The following WWOX variants were observed in gnomAD, a reference collection of about 807,000 sequenced individuals.
WWOX encodes the protein WW domain-containing oxidoreductase.
WWOX carries 69 observed loss-of-function variants against 46.2 expected under a neutral mutation model. That is an observed-to-expected ratio of 1.49 (90% CI 1.23 to 1.82). The LOEUF (loss-of-function observed/expected upper bound fraction) is 1.82. Ranked by LOEUF, WWOX falls within the 40% of genes most tolerant of loss-of-function variation. WWOX has a pLI of 0.00. For missense variants in WWOX, 919 were observed against 542.6 expected, an observed-to-expected ratio of 1.69 and a Z score of -6.89; for synonymous variants, 359 against 202.6, an observed-to-expected ratio of 1.77 and a Z score of -6.56.
intron 6 of WWOX, among the ~76,000 whole-genome samples, chr16:78,392,766 C>G (rs1020722230): frequency 1.5e-4 from 23 of 152,282 alleles, no homozygotes; most frequent in African/African-American, 5.5e-4. Context: ...GTGTAATCGT[C>G]CAAGAGTACA....
chr16:79,013,734 C>G (rs1234633418), intron 8 of WWOX, among the ~76,000 whole-genome samples: 2 of 152,232 alleles, frequency 1.3e-5, no homozygotes, highest in Non-Finnish European at 2.9e-5. Context: ...CTCCCGGAAG[C>G]AAAGCAATTG....
chr16:78,629,860 TGA>T (rs776132676), intron 8 of WWOX, among the ~76,000 whole-genome samples: 2 of 152,206 alleles, frequency 1.3e-5, no homozygotes, highest in Non-Finnish European at 2.9e-5. Context: ...GAAAATTAAT[TGA>T]GTTTTAGTTT....
intron 8 of WWOX, among the ~76,000 whole-genome samples, chr16:78,610,965 T>TAAAAACAAC (rs949471094): frequency 6.6e-6 from 1 of 152,094 alleles, no homozygotes; most frequent in Non-Finnish European, 1.5e-5. Context: ...TTCTTAACAT[T>TAAAAACAAC]AAAAACAACA....
intron 8 of WWOX, among the ~76,000 whole-genome samples, chr16:79,147,655 G>C (rs943651400): frequency 1.3e-5 from 2 of 152,264 alleles, no homozygotes; most frequent in Non-Finnish European, 1.5e-5. Flanking sequence ...TGATTAGTTT[G>C]TATAAGAAAC....
At chr16:78,123,428 G>GTT (rs1330107026) in intron 4 of WWOX, 3 of 61,050 alleles carry the variant, frequency 4.9e-5, no homozygotes, top group African/African-American at 1.7e-4. Context: ...TTTTTTCTTT[G>GTT]TTTTTTGTTT....
chr16:78,192,648 C>G (rs2035920217), intron 5 of WWOX, among the ~76,000 whole-genome samples: 1 of 152,146 alleles, frequency 6.6e-6, no homozygotes, highest in Non-Finnish European at 1.5e-5. Context: ...CCGTTATTGT[C>G]TCACTGGTGA....
chr16:78,884,631 G>C (rs12918302), intron 8 of WWOX, among the ~76,000 whole-genome samples: 24,427 of 152,118 alleles, frequency 0.16, 2,938 homozygotes, highest in African/African-American at 0.33. Context: ...ACAATGAGTT[G>C]ACTAAAAAGC....
At chr16:78,801,034 T>G (rs2050872091) in intron 8 of WWOX, among the ~76,000 whole-genome samples, 1 of 152,124 alleles carries the variant, frequency 6.6e-6, no homozygotes, top group African/African-American at 2.4e-5. Flanking sequence ...CTGGGCAGTT[T>G]TGTTGTCATT....
chr16:78,717,121 C>A (rs540036112), intron 8 of WWOX, among the ~76,000 whole-genome samples: 2 of 152,328 alleles, frequency 1.3e-5, no homozygotes, highest in South Asian at 4.1e-4. Context: ...TGGCTGTAAG[C>A]TCCCTGAGAA....
intron 8 of WWOX, among the ~76,000 whole-genome samples, chr16:78,457,524 C>G (rs530719866): frequency 6.6e-6 from 1 of 152,014 alleles, no homozygotes; most frequent in East Asian, 1.9e-4. Context: ...TTTTTTTCCC[C>G]AAATGCTAAG....
chr16:78,613,511 A>G (rs932076971), intron 8 of WWOX, among the ~76,000 whole-genome samples: 3 of 152,092 alleles, frequency 2.0e-5, no homozygotes, highest in Non-Finnish European at 4.4e-5. Flanking sequence ...AGGGACATTT[A>G]TGCTTTCTCC....
At chr16:78,944,334 C>G in intron 8 of WWOX, among the ~76,000 whole-genome samples, 1 of 152,250 alleles carries the variant, frequency 6.6e-6, no homozygotes, top group East Asian at 1.9e-4. Context: ...GTTTTATGTA[C>G]CATGCTGTGA....
intron 5 of WWOX, among the ~76,000 whole-genome samples, chr16:78,270,916 G>C (rs2079464322): frequency 6.6e-6 from 1 of 152,196 alleles, no homozygotes; most frequent in Non-Finnish European, 1.5e-5. Context: ...CCTTCACAGA[G>C]AAAATGTGTC....
chr16:78,804,388 G>A (rs2050973562), intron 8 of WWOX, among the ~76,000 whole-genome samples: 1 of 151,466 alleles, frequency 6.6e-6, no homozygotes, highest in Admixed American at 6.6e-5. Flanking sequence ...ACAGCTCTTG[G>A]AGGTAGGAAA....
rs2081610593 is a variant in WWOX, at chr16:78,369,335, A to G, written c.517-17525A>G. ...AGGGGTATCTTTTAAGTGTGAAGCAAGAGAAAAAAACGTGGAAAAAAAAAG... is the reference window on the plus strand; with the variant it reads ...AGGGGTATCTTTTAAGTGTGAAGCAGGAGAAAAAAACGTGGAAAAAAAAAG... On this transcript the variant is annotated intron_variant, in intron 5 of 8. Transcript: ENST00000566780. Among the ~76,000 whole-genome samples the G allele has an allele frequency of 2.6e-5, 4 of 151,988 alleles. No homozygotes were observed. In the South Asian group the frequency reaches 6.2e-4, roughly 24 times the overall value.
intron 5 of WWOX, among the ~76,000 whole-genome samples, chr16:78,304,497 G>A (rs2080097866): frequency 1.3e-5 from 2 of 152,162 alleles, no homozygotes; most frequent in South Asian, 4.1e-4. Context: ...TAGTGCTAGG[G>A]TGGGTCTTAG....
At chr16:79,142,389 G>C (rs1053810481) in intron 8 of WWOX, among the ~76,000 whole-genome samples, 1 of 152,314 alleles carries the variant, frequency 6.6e-6, no homozygotes, top group East Asian at 1.9e-4. Context: ...CCCATGTTTA[G>C]TGACATCATG....
chr16:79,141,046 A>G (rs2050079483), intron 8 of WWOX, among the ~76,000 whole-genome samples: 1 of 152,192 alleles, frequency 6.6e-6, no homozygotes. Flanking sequence ...CCAAATCACT[A>G]AGCTAAAGGG....
At chr16:78,915,908 G>A (rs1366312991) in intron 8 of WWOX, among the ~76,000 whole-genome samples, 1 of 152,142 alleles carries the variant, frequency 6.6e-6, no homozygotes, top group Non-Finnish European at 1.5e-5. Context: ...ATTTTAATTT[G>A]CTATTTCTTC....
Sources: gnomAD v4.1 joint callset for allele counts (sites outside exome capture counted in the v4.1 genomes callset) on GRCh38, gnomAD v4.1.1 for gene constraint, MANE v1.5 for transcripts, NCBI Gene and HGNC (gene_info 2026-07-23, HGNC 2026-07-21) for gene names.